EFNA5: variants seen among roughly 807,000 people sequenced by gnomAD.
EFNA5 encodes the protein ephrin-A5.
Under a neutral mutation model 22.9 loss-of-function variants are expected in EFNA5, and 5 were observed. That is an observed-to-expected ratio of 0.22 (90% CI 0.11 to 0.46). The LOEUF (loss-of-function observed/expected upper bound fraction) is 0.46. Ranked by LOEUF, EFNA5 falls within the 20% of genes least tolerant of loss-of-function variation. EFNA5 has a pLI of 0.99. For missense variants in EFNA5, 237 were observed against 293.3 expected, an observed-to-expected ratio of 0.81 and a Z score of 1.40; for synonymous variants, 113 against 112.2, an observed-to-expected ratio of 1.01 and a Z score of -0.04.
intron 1 of EFNA5, among the ~76,000 whole-genome samples, chr5:107,631,716 G>A (rs1750258226): frequency 6.6e-6 from 1 of 151,946 alleles, no homozygotes; most frequent in African/African-American, 2.4e-5. Context: ...ATTTAAAAAA[G>A]CATTGACATA....
intron 1 of EFNA5, among the ~76,000 whole-genome samples, chr5:107,467,878 G>A (rs375922113): frequency 1.6e-4 from 24 of 152,260 alleles, no homozygotes; most frequent in African/African-American, 4.6e-4. Context: ...ATCAGAAAGA[G>A]GTAACAAACA....
intron 2 of EFNA5, among the ~76,000 whole-genome samples, chr5:107,407,779 T>C (rs2112397454): frequency 6.6e-6 from 1 of 152,332 alleles, no homozygotes; most frequent in South Asian, 2.1e-4. Context: ...TTATGTCCCC[T>C]TTAGAGAAAA....
intron 1 of EFNA5, among the ~76,000 whole-genome samples, chr5:107,556,561 C>T (rs1380357652): frequency 1.3e-5 from 2 of 151,930 alleles, no homozygotes; most frequent in Non-Finnish European, 2.9e-5. Flanking sequence ...GCCTGGACAA[C>T]ATGATGAAAC....
At chr5:107,441,333 T>C (rs1749251464) in intron 1 of EFNA5, among the ~76,000 whole-genome samples, 1 of 152,184 alleles carries the variant, frequency 6.6e-6, no homozygotes, top group Non-Finnish European at 1.5e-5. Flanking sequence ...CAGGCTAATA[T>C]AAAGAGTATA....
chr5:107,485,855 CG>C (rs1388914537), intron 1 of EFNA5, among the ~76,000 whole-genome samples: 1 of 152,090 alleles, frequency 6.6e-6, no homozygotes, highest in East Asian at 1.9e-4. Flanking sequence ...TTACAATGTT[CG>C]TTTTTTTTAA....
At chr5:107,486,054 C>T (rs114109816) in intron 1 of EFNA5, among the ~76,000 whole-genome samples, 102 of 152,134 alleles carry the variant, frequency 6.7e-4, no homozygotes, top group African/African-American at 2.2e-3. Flanking sequence ...TAGGCTGAGA[C>T]GAGAAATGAG....
At position 107,458,353 on chromosome 5, in the gene EFNA5, G is replaced by C. The variant is rs536677794; in HGVS notation, c.126-30844C>G. Among the ~76,000 whole-genome samples the C allele has an allele frequency of 3.3e-5, 5 of 152,122 alleles. 1 individual carries two copies. Among genetic ancestry groups the C allele is most frequent in the African/African-American group, 1.2e-4 (5 of 41,528 alleles). ...TCCTTTCCTCAAAGATTTCGGCCTG[G>C]TCAGGGGGACAGACCCATAAACTTG... On this transcript the variant is annotated intron_variant, in intron 1 of 4. Coordinates refer to ENST00000333274, the MANE Select transcript of EFNA5 (RefSeq NM_001962.3).
At chr5:107,578,975 A>T (rs1434973271) in intron 1 of EFNA5, among the ~76,000 whole-genome samples, 1 of 152,078 alleles carries the variant, frequency 6.6e-6, no homozygotes, top group Admixed American at 6.5e-5. Context: ...CAAAATTTTA[A>T]TTTTTTTAAT....
At chr5:107,544,453 G>C (rs1246686266) in intron 1 of EFNA5, among the ~76,000 whole-genome samples, 1 of 152,092 alleles carries the variant, frequency 6.6e-6, no homozygotes, top group Non-Finnish European at 1.5e-5. Flanking sequence ...CAAATGCAAG[G>C]GCTTCTTACA....
At chr5:107,581,006 G>A (rs2112494571) in intron 1 of EFNA5, among the ~76,000 whole-genome samples, 1 of 152,298 alleles carries the variant, frequency 6.6e-6, no homozygotes, top group Non-Finnish European at 1.5e-5. Context: ...TGCTTTGGAT[G>A]AAACTGGAAG....
intron 1 of EFNA5, among the ~76,000 whole-genome samples, chr5:107,642,910 G>A (rs1750556826): frequency 7.0e-6 from 1 of 142,188 alleles, no homozygotes; most frequent in Non-Finnish European, 1.5e-5. Context: ...CATCTAAAAT[G>A]TCATTTTGTC....
chr5:107,551,940 T>C (rs1423411651), intron 1 of EFNA5, among the ~76,000 whole-genome samples: 3 of 152,098 alleles, frequency 2.0e-5, no homozygotes, highest in Admixed American at 1.3e-4. Context: ...TTTACAAAGC[T>C]GAAAAAAATC....
chr5:107,592,377 A>G (rs966481287), intron 1 of EFNA5, among the ~76,000 whole-genome samples: 1 of 151,990 alleles, frequency 6.6e-6, no homozygotes, highest in Non-Finnish European at 1.5e-5. Context: ...CAAGAAGTCA[A>G]CTGATGGATG....
intron 2 of EFNA5, among the ~76,000 whole-genome samples, chr5:107,388,921 T>C (rs1476781863): frequency 1.3e-5 from 2 of 152,166 alleles, no homozygotes; most frequent in African/African-American, 2.4e-5. Flanking sequence ...AATGCTTCTT[T>C]TGCAGGTGAG....
chr5:107,476,385 T>C (rs1014450722), intron 1 of EFNA5, among the ~76,000 whole-genome samples: 9 of 151,956 alleles, frequency 5.9e-5, no homozygotes, highest in African/African-American at 2.2e-4. Flanking sequence ...AAATAGAGTA[T>C]ATTATACTTA....
At chr5:107,502,706 T>C (rs26249) in intron 1 of EFNA5, among the ~76,000 whole-genome samples, 20,626 of 152,122 alleles carry the variant, frequency 0.14, 1,898 homozygotes, top group African/African-American at 0.24. Flanking sequence ...CAAATGCCAG[T>C]AGAAGCACTT....
Position 107,378,820 on chromosome 5 carries a change from G to A in EFNA5, c.*2435C>T, listed in dbSNP as rs1747348024. The A allele has an allele frequency of 6.6e-6, 1 of 152,080 alleles. No homozygotes were observed. The highest frequency in any genetic ancestry group is 2.4e-5 in the African/African-American group (1 of 41,410). The allele number at this position is 152,080 out of a possible 1,614,324, so 9.4% of individuals were successfully genotyped here. ...CCACAGAAGTCACCATTTCTAAAAT[G>A]CATTTAGCACTGCTAACATAGTTAT... On this transcript the variant is annotated 3_prime_UTR_variant, in exon 5 of 5. Transcript: ENST00000333274.
intron 1 of EFNA5, among the ~76,000 whole-genome samples, chr5:107,622,803 T>A (rs1023907492): frequency 6.6e-6 from 1 of 151,524 alleles, no homozygotes; most frequent in African/African-American, 2.4e-5. Flanking sequence ...GGGTGGATCA[T>A]GAGGTCAGGA....
intron 1 of EFNA5, among the ~76,000 whole-genome samples, chr5:107,590,109 G>A (rs947342284): frequency 1.2e-4 from 18 of 152,060 alleles, no homozygotes; most frequent in African/African-American, 4.1e-4. Flanking sequence ...TTTCCTCATC[G>A]GTATAAAGAG....
Sources: allele counts gnomAD v4.1 joint callset (sites outside exome capture counted in the v4.1 genomes callset), GRCh38; gene constraint gnomAD v4.1.1; transcripts MANE v1.5; gene names NCBI Gene and HGNC (gene_info 2026-07-23, HGNC 2026-07-21).